The following LRRC42 variants were observed in gnomAD, a reference collection of about 807,000 sequenced individuals.
LRRC42 encodes leucine rich repeat containing 42.
Under a neutral mutation model 44.3 loss-of-function variants are expected in LRRC42, and 43 were observed. The ratio of observed to expected loss-of-function variants is 0.97; its 90% CI spans 0.76 to 1.25. The LOEUF is 1.25. Among genes scored for constraint, LRRC42 ranks in the 50% most tolerant of loss-of-function variants. The pLI is 0.00. For synonymous variants in LRRC42, 207 were observed against 195.2 expected (o/e 1.06, Z -0.50); for missense variants, 540 against 509.1 (o/e 1.06, Z -0.58).
intron 7 of LRRC42, among the ~76,000 whole-genome samples, chr1:53,964,094 A>T (rs1027545516): frequency 6.7e-6 from 1 of 150,234 alleles, no homozygotes; most frequent in Non-Finnish European, 1.5e-5. Context: ...CTCCTTGCCT[A>T]CTCAGTTCTT....
chr1:53,965,928 C>T (rs1020227644), intron 7 of LRRC42, among the ~76,000 whole-genome samples: 5 of 151,954 alleles, frequency 3.3e-5, no homozygotes, highest in Admixed American at 1.3e-4. Context: ...TTTTAAGGCA[C>T]GAGAGTAAGT....
chr1:53,952,623 T>C (rs926532691), intron 3 of LRRC42, 151 bp downstream of exon 3: 5 of 601,290 alleles, frequency 8.3e-6, no homozygotes, highest in Non-Finnish European at 1.1e-5. Context: ...TTGAAAAAAA[T>C]CACTCTTCCT....
Position 53,958,151 on chromosome 1 carries a change from ATC to A in LRRC42, c.479_480del (p.Leu160ArgfsTer7). The A allele has an allele frequency of 6.2e-7, 1 of 1,613,612 alleles. No individual in the cohort carries two copies. ...TGATTGCTCTCCACGCTCCGTAGGT[ATC>A]TCGTGATTTCAGAAAAGCTTGAGGA... On this transcript the variant is annotated frameshift_variant, in exon 4 of 9. Transcript: ENST00000371370. LOFTEE classifies it high-confidence loss of function.
intron 7 of LRRC42, among the ~76,000 whole-genome samples, chr1:53,964,554 C>T (rs888951922): frequency 1.3e-5 from 2 of 152,148 alleles, no homozygotes; most frequent in Admixed American, 6.5e-5. Flanking sequence ...CACCATTTTC[C>T]CTATTGCCCA....
Position 53,962,487 on chromosome 1 carries a change from A to G in LRRC42, c.927+78A>G, listed in dbSNP as rs182243985. 141 of 886,342 alleles carry G rather than the reference A, an allele frequency of 1.6e-4. 1 individual carries two copies. The East Asian group carries it at 3.4e-3, about 21-fold the overall frequency. 54.9% of individuals were successfully genotyped at this position (886,342 alleles called of 1,614,324 possible). On this transcript the variant is annotated intron_variant, in intron 7 of 8. Transcript: ENST00000371370. ...AAGTGTCTTATCCAACACATTGAATAAACAGTAATCCACTTGGTAGTCCTT... is the reference window on the plus strand; with the variant it reads ...AAGTGTCTTATCCAACACATTGAATGAACAGTAATCCACTTGGTAGTCCTT...
At chr1:53,954,362 T>G (rs1020041873) in intron 3 of LRRC42, among the ~76,000 whole-genome samples, 2 of 152,196 alleles carry the variant, frequency 1.3e-5, no homozygotes, top group Admixed American at 6.5e-5. Flanking sequence ...GGAAAAAAAT[T>G]ACCTTGCCTA....
intron 1 of LRRC42, among the ~76,000 whole-genome samples, chr1:53,946,840 C>T (rs1398578052): frequency 7.8e-6 from 1 of 128,036 alleles, no homozygotes; most frequent in African/African-American, 3.0e-5. Flanking sequence ...GGGGAGAGAG[C>T]GGGAAGAAGG....
chr1:53,948,219 T>A (rs141119054), intron 2 of LRRC42, among the ~76,000 whole-genome samples: 269 of 152,148 alleles, frequency 1.8e-3, no homozygotes, highest in African/African-American at 6.3e-3. Context: ...TTAGATATTT[T>A]CTTCTTCTTC....
chr1:53,960,949 A>G (rs1654978360), intron 5 of LRRC42, among the ~76,000 whole-genome samples: 1 of 152,222 alleles, frequency 6.6e-6, no homozygotes, highest in South Asian at 2.1e-4. Flanking sequence ...CCGAGCATCC[A>G]TTGACTCTAT....
chr1:53,950,262 G>A (rs921649640), intron 2 of LRRC42, among the ~76,000 whole-genome samples: 3 of 152,234 alleles, frequency 2.0e-5, no homozygotes, highest in African/African-American at 7.2e-5. Context: ...GGAACAGAAC[G>A]AGCAATGGCC....
At position 53,946,789 on chromosome 1, in the gene LRRC42, G is replaced by T. The variant is rs973003991; in HGVS notation, c.-49+240G>T. 2.6e-5 allele frequency among the ~76,000 whole-genome samples: 4 copies of T among 152,002 alleles called. No homozygotes were observed. In the East Asian group the frequency reaches 7.8e-4, roughly 29 times the overall value. ...GGGTTCGGGGCCTGGGTGGGACAGG[G>T]AGCAGGATTAGCCTGGGTGGACTCG... is the stretch of plus-strand genomic sequence containing the variant. On this transcript the variant is annotated intron_variant, in intron 1 of 8. Transcript: ENST00000371370.
In LRRC42 at chr1:53,964,937, C is replaced by T. The variant is rs1320472117; in HGVS notation, c.928-1359C>T. On this transcript the variant is annotated intron_variant, in intron 7 of 8. Coordinates refer to ENST00000371370, the MANE Select transcript of LRRC42 (RefSeq NM_001256409.2). Reference sequence around the variant, plus strand: ...CTGGGCGCAAGGGATCCTACCGCCTCGGCCACCCAAAGTGCAAAGATTACA... The same window carrying T: ...CTGGGCGCAAGGGATCCTACCGCCTTGGCCACCCAAAGTGCAAAGATTACA... Among the ~76,000 whole-genome samples the T allele has an allele frequency of 4.6e-5, 7 of 151,818 alleles. No homozygotes were observed. In the East Asian group the frequency reaches 7.7e-4, roughly 17 times the overall value.
In LRRC42 at chr1:53,967,971, C is replaced by G. The variant is rs775388339; in HGVS notation, c.*32C>G. 1.6e-5 allele frequency: 25 copies of G among 1,595,208 alleles called. No homozygotes were observed. Among genetic ancestry groups the G allele is most frequent in the Non-Finnish European group, 2.1e-5 (25 of 1,168,760 alleles). ...GATACAAGTTGACCTTTCTCTGGCC[C>G]CCAGCTCTAGTGTTTGAGTAAAGGA... On this transcript the variant is annotated 3_prime_UTR_variant, in exon 9 of 9. Transcript: ENST00000371370.
intron 3 of LRRC42, among the ~76,000 whole-genome samples, chr1:53,954,134 C>A (rs1217696388): frequency 6.6e-6 from 1 of 152,226 alleles, no homozygotes; most frequent in Non-Finnish European, 1.5e-5. Flanking sequence ...AGGAGGTAAG[C>A]TCGTATGCTT....
intron 3 of LRRC42, among the ~76,000 whole-genome samples, chr1:53,957,178 A>G (rs960954671): frequency 1.3e-5 from 2 of 152,186 alleles, no homozygotes; most frequent in Non-Finnish European, 2.9e-5. Flanking sequence ...GATCCTGCTG[A>G]TGGAAGAGAG....
rs201223513 is a variant in LRRC42 at position 53,957,905 on chromosome 1, C to CATTT, written c.474-220_474-217dup. Reference sequence around the variant, plus strand: ...CTTGTGACTTTCCTTTGCTAATATACATTTATTTATTTATTTATTTATTTA... The same window carrying CATTT: ...CTTGTGACTTTCCTTTGCTAATATACATTTATTTATTTATTTATTTATTTATTTA... On this transcript the variant is annotated intron_variant, in intron 3 of 8. Coordinates refer to ENST00000371370, the MANE Select transcript of LRRC42 (RefSeq NM_001256409.2). Among the ~76,000 whole-genome samples the CATTT allele has an allele frequency of 6.8e-3, 1,040 of 152,116 alleles. 11 individuals carry two copies. The highest frequency in any genetic ancestry group is 0.019 in the African/African-American group (799 of 41,466).
chr1:53,949,822 C>T (rs74084492), intron 2 of LRRC42, among the ~76,000 whole-genome samples: 2,882 of 152,290 alleles, frequency 0.019, 89 homozygotes, highest in African/African-American at 0.066. Context: ...GCAGAAGGGT[C>T]TGGCAAGTGG....
chr1:53,954,556 G>A (rs1467965783), intron 3 of LRRC42, among the ~76,000 whole-genome samples: 6 of 152,112 alleles, frequency 3.9e-5, no homozygotes, highest in African/African-American at 1.4e-4. Flanking sequence ...GCATAAAATT[G>A]TAGTATTAAA....
intron 5 of LRRC42, 142 bp downstream of exon 5, chr1:53,960,616 A>C: frequency 1.6e-6 from 1 of 640,522 alleles, no homozygotes; most frequent in Non-Finnish European, 2.7e-6. Flanking sequence ...GCAGAACAGG[A>C]TTGAGGCCAA....
Sources: gnomAD v4.1 joint callset for allele counts (sites outside exome capture counted in the v4.1 genomes callset) on GRCh38, gnomAD v4.1.1 for gene constraint, MANE v1.5 for transcripts, NCBI Gene and HGNC (gene_info 2026-07-23, HGNC 2026-07-21) for gene names.